Variants in WDFY2 observed in about 807,000 individuals in gnomAD.
WDFY2 encodes the protein WD repeat and FYVE domain containing 2.
In WDFY2, 36 loss-of-function variants were observed where a neutral mutation model predicts 56.4. That is an observed-to-expected ratio of 0.64 (90% CI 0.49 to 0.84). The LOEUF is 0.84. WDFY2 is among the 40% of genes least tolerant of loss of function. The pLI is 0.00. For missense variants in WDFY2, 444 were observed against 512.2 expected (o/e 0.87, Z 1.29); for synonymous variants, 176 against 183.7 (o/e 0.96, Z 0.34).
intron 2 of WDFY2, among the ~76,000 whole-genome samples, chr13:51,670,495 A>ACACACACACACG (rs1955788351): frequency 8.3e-6 from 1 of 120,874 alleles, no homozygotes; most frequent in African/African-American, 3.6e-5. Context: ...ACATGCACAC[A>ACACACACACACG]CACACACACA....
intron 5 of WDFY2, among the ~76,000 whole-genome samples, 164 bp from the exon 6 acceptor site, chr13:51,727,514 G>A (rs1040560068): frequency 3.3e-5 from 5 of 152,172 alleles, no homozygotes; most frequent in African/African-American, 1.2e-4. Flanking sequence ...CAATAATACA[G>A]TATGTCCTTC....
Position 51,759,997 on chromosome 13 carries a change from A to C in WDFY2, c.*228A>C. The C allele has an allele frequency of 2.0e-6, 1 of 495,736 alleles. No homozygotes were observed. 30.7% of individuals were successfully genotyped at this position (495,736 alleles called of 1,614,324 possible). A position where few individuals can be genotyped will look rare whatever the true frequency, so the allele number is the denominator to read the frequency against. On this transcript the variant is annotated 3_prime_UTR_variant, in exon 12 of 12. Coordinates refer to ENST00000298125, the MANE Select transcript of WDFY2 (RefSeq NM_052950.4). ...ATATAAAAGAAGCTATTTTTTTAACAAATGGTTTATACAGTCTGGCTGTGC... is the reference window on the plus strand; with the variant it reads ...ATATAAAAGAAGCTATTTTTTTAACCAATGGTTTATACAGTCTGGCTGTGC...
At chr13:51,681,482 C>A (rs1055145162) in intron 3 of WDFY2, among the ~76,000 whole-genome samples, 7 of 152,240 alleles carry the variant, frequency 4.6e-5, no homozygotes, top group African/African-American at 1.4e-4. Flanking sequence ...TGTTACATAA[C>A]CCTGCCATTA....
chr13:51,615,408 A>G (rs1277189442), intron 1 of WDFY2, among the ~76,000 whole-genome samples: 1 of 152,158 alleles, frequency 6.6e-6, no homozygotes, highest in African/African-American at 2.4e-5. Flanking sequence ...AATATTTTTT[A>G]AAATAGATAA....
chr13:51,684,744 A>T (rs895884977), intron 3 of WDFY2, among the ~76,000 whole-genome samples: 12 of 152,044 alleles, frequency 7.9e-5, no homozygotes, highest in Non-Finnish European at 1.6e-4. Flanking sequence ...TGGCCTGCTG[A>T]CTTAGCTCAG....
chr13:51,600,365 G>A (rs543336054), intron 1 of WDFY2, among the ~76,000 whole-genome samples: 3 of 152,292 alleles, frequency 2.0e-5, no homozygotes, highest in African/African-American at 7.2e-5. Context: ...TGGGTCTTGG[G>A]AATAGAACTG....
intron 4 of WDFY2, among the ~76,000 whole-genome samples, chr13:51,712,150 A>T (rs950921045): frequency 3.3e-5 from 5 of 152,212 alleles, no homozygotes; most frequent in Admixed American, 2.6e-4. Flanking sequence ...CTTTGTAGGG[A>T]CATGGATGAA....
intron 1 of WDFY2, chr13:51,591,989 A>C: frequency 7.8e-6 from 1 of 128,850 alleles, no homozygotes; most frequent in African/African-American, 2.8e-5. Flanking sequence ...GAAAAAAAGT[A>C]GGAATGTTGG....
intron 3 of WDFY2, among the ~76,000 whole-genome samples, chr13:51,681,439 G>A (rs1593407512): frequency 6.6e-6 from 1 of 152,150 alleles, no homozygotes; most frequent in Non-Finnish European, 1.5e-5. Flanking sequence ...AGAAATGTGT[G>A]CGTGGAATCT....
intron 2 of WDFY2, among the ~76,000 whole-genome samples, chr13:51,673,937 C>T (rs1955845193): frequency 6.6e-6 from 1 of 152,006 alleles, no homozygotes; most frequent in South Asian, 2.1e-4. Flanking sequence ...AGTAAATATG[C>T]AGTTTAGAAG....
intron 4 of WDFY2, among the ~76,000 whole-genome samples, chr13:51,718,403 C>G (rs2138626071): frequency 6.6e-6 from 1 of 152,258 alleles, no homozygotes; most frequent in South Asian, 2.1e-4. Flanking sequence ...ACTACTCCAC[C>G]TCATTGTGCC....
chr13:51,602,362 G>A (rs938307872), intron 1 of WDFY2, among the ~76,000 whole-genome samples: 8 of 152,232 alleles, frequency 5.3e-5, no homozygotes, highest in African/African-American at 1.7e-4. Context: ...ACAGTAACAT[G>A]TTGTACAGGT....
chr13:51,725,503 C>A (rs973389113), intron 5 of WDFY2, among the ~76,000 whole-genome samples: 1 of 152,060 alleles, frequency 6.6e-6, no homozygotes, highest in Non-Finnish European at 1.5e-5. Flanking sequence ...GCCTGGGCAA[C>A]AAAGTGAGAC....
intron 4 of WDFY2, among the ~76,000 whole-genome samples, chr13:51,707,664 C>A (rs1952112487): frequency 6.6e-6 from 1 of 152,030 alleles, no homozygotes; most frequent in South Asian, 2.1e-4. Flanking sequence ...AACTATGTGT[C>A]TACTCAAAAG....
Position 51,759,941 on chromosome 13 carries a change from C to A in WDFY2, c.*172C>A. ...AGTGGGGACCTGGCCAGTGAGCACT[C>A]GCAAGGGGACTCTTCCAACTTGTTC... is the stretch of plus-strand genomic sequence containing the variant. On this transcript the variant is annotated 3_prime_UTR_variant, in exon 12 of 12. Transcript: ENST00000298125. The A allele has an allele frequency of 1.7e-6, 1 of 591,854 alleles. No individual in the cohort carries two copies. The highest frequency in any genetic ancestry group is 3.0e-6 in the Non-Finnish European group (1 of 331,556). The allele number at this position is 591,854 out of a possible 1,614,324, so 36.7% of individuals were successfully genotyped here.
intron 1 of WDFY2, among the ~76,000 whole-genome samples, chr13:51,629,826 C>CTT (rs11432630): frequency 0.057 from 7,040 of 124,222 alleles, 248 homozygotes; most frequent in African/African-American, 0.11. Flanking sequence ...TCTTTCTTTT[C>CTT]TTTTTTTTTT....
intron 1 of WDFY2, among the ~76,000 whole-genome samples, chr13:51,614,522 C>G (rs576161480): frequency 6.6e-6 from 1 of 152,298 alleles, no homozygotes; most frequent in East Asian, 1.9e-4. Context: ...ATTCAGCCAT[C>G]CTTAGTGATC....
intron 4 of WDFY2, among the ~76,000 whole-genome samples, chr13:51,706,868 A>G (rs1952093368): frequency 1.3e-5 from 2 of 152,252 alleles, no homozygotes; most frequent in South Asian, 4.1e-4. Flanking sequence ...ATATTAGCAG[A>G]TATCACAAAC....
intron 4 of WDFY2, among the ~76,000 whole-genome samples, chr13:51,709,511 A>C (rs1463213072): frequency 6.6e-6 from 1 of 152,122 alleles, no homozygotes; most frequent in Non-Finnish European, 1.5e-5. Flanking sequence ...TTTTTTGAAA[A>C]GATCAACAAA....
Sources: allele counts gnomAD v4.1 joint callset (sites outside exome capture counted in the v4.1 genomes callset), GRCh38; gene constraint gnomAD v4.1.1; transcripts MANE v1.5; gene names NCBI Gene and HGNC (gene_info 2026-07-23, HGNC 2026-07-21).